The following USP14 variants were observed in gnomAD, a reference collection of about 807,000 sequenced individuals.
The protein encoded by USP14 is ubiquitin specific peptidase 14, also known as ubiquitin carboxyl-terminal hydrolase 14.
USP14 carries 38 observed loss-of-function variants against 76.5 expected under a neutral mutation model. The observed-to-expected ratio is 0.50, with a 90% CI of 0.38 to 0.65. The LOEUF is 0.65. Among genes scored for constraint, USP14 ranks in the 30% least tolerant of loss-of-function variants. The pLI is 0.00. For missense variants in USP14, 467 were observed against 586.5 expected, an observed-to-expected ratio of 0.80 and a Z score of 2.10; for synonymous variants, 192 against 191.7, an observed-to-expected ratio of 1.00 and a Z score of -0.01.
At chr18:182,165 A>G (rs1017176433) in intron 5 of USP14, among the ~76,000 whole-genome samples, 4 of 152,238 alleles carry the variant, frequency 2.6e-5, no homozygotes, top group African/African-American at 9.6e-5. Flanking sequence ...AGAGTAAAGA[A>G]TTAATTACAA....
intron 2 of USP14, among the ~76,000 whole-genome samples, chr18:166,178 T>A (rs1909265872): frequency 6.6e-6 from 1 of 152,186 alleles, no homozygotes; most frequent in East Asian, 1.9e-4. Context: ...TAGTCAAGTG[T>A]TTTTTAGTAC....
At chr18:185,283 C>T (rs377205009) in intron 5 of USP14, among the ~76,000 whole-genome samples, 21 of 152,244 alleles carry the variant, frequency 1.4e-4, no homozygotes, top group African/African-American at 5.1e-4. Flanking sequence ...CTCAGCCTCC[C>T]AAGTAGCTGG....
intron 3 of USP14, among the ~76,000 whole-genome samples, chr18:178,307 T>C (rs887342258): frequency 3.9e-5 from 6 of 152,132 alleles, no homozygotes; most frequent in African/African-American, 1.4e-4. Flanking sequence ...TGAGCCACCA[T>C]GCCTGGTCTG....
chr18:179,536 C>A (rs79002808), intron 4 of USP14, among the ~76,000 whole-genome samples: 1 of 150,332 alleles, frequency 6.7e-6, no homozygotes, highest in African/African-American at 2.4e-5. Flanking sequence ...TTTTTTAACA[C>A]CTAGCATTTA....
At chr18:185,754 G>A (rs1406098030) in intron 5 of USP14, among the ~76,000 whole-genome samples, 1 of 151,770 alleles carries the variant, frequency 6.6e-6, no homozygotes, top group African/African-American at 2.4e-5. Context: ...CTCTGGAGTG[G>A]CACGATCACA....
At chr18:169,003 G>T (rs1429931341) in intron 3 of USP14, among the ~76,000 whole-genome samples, 2 of 152,040 alleles carry the variant, frequency 1.3e-5, no homozygotes, top group Non-Finnish European at 2.9e-5. Context: ...CATGAGCCTG[G>T]GAGGCAGAGG....
Position 211,556 on chromosome 18 carries a change from G to T in USP14, c.*272G>T, listed in dbSNP as rs1288670409. On this transcript the variant is annotated 3_prime_UTR_variant, in exon 16 of 16. Transcript: ENST00000261601. ...CTTGCATTATTTTAAAAAGTTCAGAGTTGAAATGCCTTTCAACCATTTCCT... is the reference window on the plus strand; with the variant it reads ...CTTGCATTATTTTAAAAAGTTCAGATTTGAAATGCCTTTCAACCATTTCCT... 3.7e-6 allele frequency: 1 copy of T among 270,298 alleles called. No homozygotes were observed. The highest frequency in any genetic ancestry group is 2.2e-5 in the African/African-American group (1 of 45,392). 16.7% of individuals were successfully genotyped at this position (270,298 alleles called of 1,614,324 possible). A position where few individuals can be genotyped will look rare whatever the true frequency, so the allele number is the denominator to read the frequency against.
chr18:199,149 G>T, intron 9 of USP14, 53 bp from the exon 10 acceptor site: 1 of 1,103,834 alleles, frequency 9.1e-7, no homozygotes, highest in Non-Finnish European at 1.4e-6. Flanking sequence ...ATATTCAAGA[G>T]TATATAACAA....
intron 3 of USP14, among the ~76,000 whole-genome samples, chr18:177,256 T>C (rs1909651474): frequency 6.6e-6 from 1 of 151,926 alleles, no homozygotes; most frequent in Non-Finnish European, 1.5e-5. Flanking sequence ...GAGACAGTTG[T>C]CTTTGGAAAA....
chr18:208,541 T>A (rs187096435), intron 13 of USP14, among the ~76,000 whole-genome samples: 1 of 152,304 alleles, frequency 6.6e-6, no homozygotes, highest in East Asian at 1.9e-4. Flanking sequence ...CTTTCAGCAG[T>A]GATTTCACTA....
At chr18:190,110 T>C (rs1201344447) in intron 5 of USP14, among the ~76,000 whole-genome samples, 1 of 152,202 alleles carries the variant, frequency 6.6e-6, no homozygotes, top group Non-Finnish European at 1.5e-5. Flanking sequence ...GTTCTGTGTA[T>C]TGGTGGTTCG....
chr18:161,028 A>G (rs577988808), intron 1 of USP14, among the ~76,000 whole-genome samples: 21 of 152,156 alleles, frequency 1.4e-4, no homozygotes, highest in African/African-American at 3.6e-4. Flanking sequence ...CCTGGTTTCA[A>G]GCGATTCTCC....
chr18:207,524 C>T (rs1910561811), intron 13 of USP14, among the ~76,000 whole-genome samples: 5 of 144,268 alleles, frequency 3.5e-5, no homozygotes, highest in Admixed American at 2.8e-4. Flanking sequence ...ACAAAAAATA[C>T]AGAAATTAGC....
chr18:185,948 C>G (rs539772458), intron 5 of USP14, among the ~76,000 whole-genome samples: 1 of 151,728 alleles, frequency 6.6e-6, no homozygotes, highest in African/African-American at 2.4e-5. Context: ...TCAATCCTCC[C>G]AGCTCAGTCT....
intron 13 of USP14, 88 bp downstream of exon 13, chr18:204,780 A>G (rs61607000): frequency 0.26 from 383,196 of 1,491,200 alleles, 51,260 homozygotes; most frequent in South Asian, 0.34. Context: ...TTCCTGCTTC[A>G]TTTTTCCTTC....
At chr18:175,993 A>G (rs116502592) in intron 3 of USP14, among the ~76,000 whole-genome samples, 280 of 151,814 alleles carry the variant, frequency 1.8e-3, no homozygotes, top group African/African-American at 6.5e-3. Context: ...GAATTGGTTC[A>G]TTTAAGTTGC....
rs899656061 is a variant in USP14 at position 212,004 on chromosome 18, A to G, written c.*720A>G. On this transcript the variant is annotated 3_prime_UTR_variant, in exon 16 of 16. Coordinates refer to ENST00000261601, the MANE Select transcript of USP14 (RefSeq NM_005151.4). ...TGACAAGCTCTGGTTGCTTATTTTT[A>G]GAAAATGAGGACATTTAATAATAAT... 6.6e-6 allele frequency: 1 copy of G among 152,196 alleles called. No individual in the cohort carries two copies. Among genetic ancestry groups the G allele is most frequent in the East Asian group, 1.9e-4 (1 of 5,196 alleles). 9.4% of individuals were successfully genotyped at this position (152,196 alleles called of 1,614,324 possible).
At position 196,724 on chromosome 18, in the gene USP14, C is replaced by T; in HGVS notation, c.551C>T (p.Pro184Leu). 1.2e-6 allele frequency: 2 copies of T among 1,613,986 alleles called. No individual in the cohort carries two copies. The highest frequency in any genetic ancestry group is 1.7e-6 in the Non-Finnish European group (2 of 1,179,980). Residue 184 changes from proline to leucine, a missense_variant, in exon 7 of 16, where the codon CCA (proline) becomes CTA (leucine). Transcript: ENST00000261601. ...CTGCAGTTTTTGCACATGGCTTTCC[C>T]ACAGTTTGCCGAGAAAGGTGAACAA... ...ILLQFLHMAFPQFAEKGEQGQ... is the reference protein window; with the variant it reads ...ILLQFLHMAFLQFAEKGEQGQ...
chr18:188,067 GT>G (rs757318075), intron 5 of USP14, among the ~76,000 whole-genome samples: 42 of 152,108 alleles, frequency 2.8e-4, no homozygotes, highest in Admixed American at 1.1e-3. Context: ...ATAGTAGATG[GT>G]TGTGGAATTC....
Sources: gnomAD v4.1 joint callset for allele counts (sites outside exome capture counted in the v4.1 genomes callset) on GRCh38, gnomAD v4.1.1 for gene constraint, MANE v1.5 for transcripts, NCBI Gene and HGNC (gene_info 2026-07-23, HGNC 2026-07-21) for gene names.